Variants in FOXP2 observed in about 807,000 individuals in gnomAD.
FOXP2 encodes the protein forkhead box P2.
Under a neutral mutation model 115.8 loss-of-function variants are expected in FOXP2, and 12 were observed. The ratio of observed to expected loss-of-function variants is 0.10; its 90% CI spans 0.07 to 0.17. The LOEUF (loss-of-function observed/expected upper bound fraction) is 0.17. FOXP2 is among the 10% of genes least tolerant of loss of function. The pLI is 1.00. For synonymous variants in FOXP2, 328 were observed against 297.7 expected, an observed-to-expected ratio of 1.10 and a Z score of -1.05; for missense variants, 629 against 843.5, an observed-to-expected ratio of 0.75 and a Z score of 3.15.
At chr7:114,457,881 C>T (rs959886683) in intron 2 of FOXP2, among the ~76,000 whole-genome samples, 7 of 139,610 alleles carry the variant, frequency 5.0e-5, no homozygotes, top group East Asian at 2.1e-4. Flanking sequence ...TGGGCGACAG[C>T]GAGACTCCGT....
At chr7:114,351,958 G>A (rs188517475) in intron 2 of FOXP2, among the ~76,000 whole-genome samples, 19 of 152,162 alleles carry the variant, frequency 1.2e-4, no homozygotes, top group East Asian at 3.9e-4. Flanking sequence ...TGTCTGAATC[G>A]GATGAAATTT....
At chr7:114,093,082 G>A (rs1399658116) in intron 1 of FOXP2, among the ~76,000 whole-genome samples, 1 of 152,084 alleles carries the variant, frequency 6.6e-6, no homozygotes, top group East Asian at 1.9e-4. Context: ...TCTTGTATAA[G>A]CCTTCCAAAA....
intron 1 of FOXP2, among the ~76,000 whole-genome samples, chr7:114,227,182 G>A (rs1177534250): frequency 6.6e-6 from 1 of 152,008 alleles, no homozygotes; most frequent in Non-Finnish European, 1.5e-5. Flanking sequence ...TTATGGATTT[G>A]ATAGCCAGGC....
chr7:114,319,838 A>G (rs1347563438), intron 2 of FOXP2, among the ~76,000 whole-genome samples: 1 of 152,186 alleles, frequency 6.6e-6, no homozygotes, highest in Non-Finnish European at 1.5e-5. Flanking sequence ...GTTTATTTGG[A>G]TTTATAATTG....
At chr7:114,234,878 G>GCTAC (rs1013448575) in intron 1 of FOXP2, among the ~76,000 whole-genome samples, 9 of 151,866 alleles carry the variant, frequency 5.9e-5, no homozygotes, top group Non-Finnish European at 1.3e-4. Context: ...TTTTCTTCTT[G>GCTAC]CTACCCTCTT....
At chr7:114,213,929 A>C (rs1284853228) in intron 1 of FOXP2, among the ~76,000 whole-genome samples, 1 of 152,234 alleles carries the variant, frequency 6.6e-6, no homozygotes, top group East Asian at 1.9e-4. Context: ...ACCTAAGTAA[A>C]GAAGACTATA....
chr7:114,628,864 A>T (rs184551751), intron 4 of FOXP2, 187 bp downstream of exon 4: 283 of 673,542 alleles, frequency 4.2e-4, no homozygotes, highest in East Asian at 2.1e-3. Context: ...TTATTTTTTT[A>T]AAAAAATTAT....
At chr7:114,645,235 T>A (rs887939478) in intron 8 of FOXP2, 10 of 144,950 alleles carry the variant, frequency 6.9e-5, no homozygotes, top group African/African-American at 2.5e-4. Flanking sequence ...ATATATTTTT[T>A]AAAATAGTAG....
intron 2 of FOXP2, among the ~76,000 whole-genome samples, chr7:114,404,367 C>A (rs144297687): frequency 6.6e-6 from 1 of 151,944 alleles, no homozygotes; most frequent in Non-Finnish European, 1.5e-5. Flanking sequence ...TTAAAAAGTA[C>A]GTAAAATAAG....
chr7:114,168,186 A>G (rs1477514074), intron 1 of FOXP2, among the ~76,000 whole-genome samples: 1 of 152,200 alleles, frequency 6.6e-6, no homozygotes, highest in Non-Finnish European at 1.5e-5. Flanking sequence ...GCTCTGCTGA[A>G]AAGTTACCCA....
intron 1 of FOXP2, among the ~76,000 whole-genome samples, chr7:114,157,251 G>A (rs190624700): frequency 3.7e-4 from 57 of 152,218 alleles, no homozygotes; most frequent in Middle Eastern, 6.8e-3. Flanking sequence ...AATCAGGTAT[G>A]TGGACAAATG....
At chr7:114,410,905 A>T (rs1793146271), upstream of FOXP2, among the ~76,000 whole-genome samples, 1 of 152,130 alleles carries the variant, frequency 6.6e-6, no homozygotes. Context: ...TGTCACTTTC[A>T]TCTATTAAGT....
At chr7:114,496,766 C>T (rs1456846690) in intron 2 of FOXP2, among the ~76,000 whole-genome samples, 1 of 152,164 alleles carries the variant, frequency 6.6e-6, no homozygotes, top group East Asian at 1.9e-4. Flanking sequence ...AACCATTTCT[C>T]TCCTTCCTGT....
chr7:114,465,396 A>T (rs571228832), intron 2 of FOXP2, among the ~76,000 whole-genome samples: 25 of 152,300 alleles, frequency 1.6e-4, no homozygotes, highest in South Asian at 1.4e-3. Flanking sequence ...GGTATCAGAC[A>T]ATTTGGAAGG....
At chr7:114,256,492 A>G (rs1795617037) in intron 1 of FOXP2, among the ~76,000 whole-genome samples, 1 of 152,160 alleles carries the variant, frequency 6.6e-6, no homozygotes, top group Non-Finnish European at 1.5e-5. Context: ...GGCTGCAAAA[A>G]TGTCTTCTTT....
chr7:114,204,516 A>T (rs955651166), intron 1 of FOXP2, among the ~76,000 whole-genome samples: 2 of 152,148 alleles, frequency 1.3e-5, no homozygotes, highest in African/African-American at 2.4e-5. Context: ...TTGGTAAGTT[A>T]TTTATGGTCT....
At chr7:114,254,736 G>A (rs917461234) in intron 1 of FOXP2, among the ~76,000 whole-genome samples, 16 of 152,120 alleles carry the variant, frequency 1.1e-4, no homozygotes, top group African/African-American at 3.9e-4. Context: ...TGATGCATTC[G>A]AATTTCCTCC....
chr7:114,209,808 T>C (rs1264257605), intron 1 of FOXP2, among the ~76,000 whole-genome samples: 1 of 152,222 alleles, frequency 6.6e-6, no homozygotes, highest in Non-Finnish European at 1.5e-5. Context: ...CATAATCCCA[T>C]AGTTCTCAGA....
intron 1 of FOXP2, among the ~76,000 whole-genome samples, chr7:114,139,466 T>C (rs1417714664): frequency 6.6e-6 from 1 of 152,146 alleles, no homozygotes; most frequent in African/African-American, 2.4e-5. Context: ...TTTATTTCCT[T>C]AGATTGTAAT....
Sources: gnomAD v4.1 joint callset for allele counts (sites outside exome capture counted in the v4.1 genomes callset) on GRCh38, gnomAD v4.1.1 for gene constraint, MANE v1.5 for transcripts, NCBI Gene and HGNC (gene_info 2026-07-23, HGNC 2026-07-21) for gene names.